ADAM7: variants seen among roughly 807,000 people sequenced by gnomAD.
ADAM7 encodes ADAM metallopeptidase domain 7.
A neutral mutation model predicts 102.9 loss-of-function variants in ADAM7; 97 were observed. That is an observed-to-expected ratio of 0.94 (90% CI 0.80 to 1.12). The LOEUF (loss-of-function observed/expected upper bound fraction) is 1.12, where lower values mean the gene tolerates loss of function less well. Ranked by LOEUF, ADAM7 falls within the 50% of genes most tolerant of loss-of-function variation. The probability of loss-of-function intolerance (pLI) is 0.00; values close to 1 mark genes in which losing one functional copy is unlikely to be tolerated. For synonymous variants in ADAM7, 334 were observed against 304.4 expected (o/e 1.10, Z -1.01); for missense variants, 991 against 908.7 (o/e 1.09, Z -1.16).
chr8:24,502,001 T>A (rs1156964187), intron 20 of ADAM7, among the ~76,000 whole-genome samples: 3 of 150,112 alleles, frequency 2.0e-5, no homozygotes. Context: ...CTGGCCAACA[T>A]GGGAAACTCC....
intron 1 of ADAM7, 105 bp downstream of exon 1, chr8:24,441,265 G>T: frequency 8.7e-7 from 1 of 1,153,822 alleles, no homozygotes. Flanking sequence ...AAACGTTGAT[G>T]ATTTTTCTGA....
intron 2 of ADAM7, among the ~76,000 whole-genome samples, chr8:24,446,136 T>C (rs1047628323): frequency 1.3e-5 from 2 of 152,168 alleles, no homozygotes; most frequent in African/African-American, 4.8e-5. Flanking sequence ...CAAAGTAATG[T>C]GCAACATGTA....
rs555111666 is a variant in ADAM7, at chr8:24,492,096, A to T, written c.1550A>T (p.Asp517Val). Residue 517 changes from aspartate to valine, a missense_variant and splice_region_variant, in exon 14 of 22, where the codon GAT (aspartate) becomes GTT (valine). By Grantham distance (152) the Asp-to-Val change is radical. Transcript: ENST00000175238. ...GATCAGTGCTCTGAACTATTTGATGATGGTGAGAGATAATCACAGTGAAGT... is the reference window on the plus strand; with the variant it reads ...GATCAGTGCTCTGAACTATTTGATGTTGGTGAGAGATAATCACAGTGAAGT... ...REDQCSELFDDEAIESHDICY... is the reference protein window; with the variant it reads ...REDQCSELFDVEAIESHDICY... The T allele has an allele frequency of 6.2e-7, 1 of 1,611,024 alleles. No individual in the cohort carries two copies. The highest frequency in any genetic ancestry group is 8.5e-7 in the Non-Finnish European group (1 of 1,178,662).
Position 24,493,036 on chromosome 8 carries a change from C to T in ADAM7, c.1656-7C>T. The T allele has an allele frequency of 6.4e-7, 1 of 1,563,156 alleles. No individual in the cohort carries two copies. Among genetic ancestry groups the T allele is most frequent in the South Asian group, 1.2e-5 (1 of 82,812 alleles). ...TTCCAAGTTTGAATATTCTGCCTTT[C>T]CTTCAGAGATGTCAGATGTGGAAAG... On this transcript the variant is annotated splice_region_variant and splice_polypyrimidine_tract_variant and intron_variant, in intron 15 of 21. Coordinates refer to ENST00000175238, the MANE Select transcript of ADAM7 (RefSeq NM_003817.4).
rs373648732 is a variant in ADAM7, at chr8:24,508,487, T to C, written c.*-59T>C. 2.2e-4 allele frequency: 335 copies of C among 1,546,562 alleles called. 1 individual carries two copies. Among genetic ancestry groups the C allele is most frequent in the Non-Finnish European group, 2.8e-4 (308 of 1,119,388 alleles). On this transcript the variant is annotated intron_variant, in intron 21 of 21. Transcript: ENST00000175238. ...AGTAGATATAAATGAGTAATGGAAA[T>C]ACATGGTTCACAGATTTCATAGGAA...
intron 2 of ADAM7, among the ~76,000 whole-genome samples, chr8:24,446,187 A>T (rs9314285): frequency 0.28 from 42,039 of 152,136 alleles, 7,266 homozygotes; most frequent in African/African-American, 0.49. Flanking sequence ...AGAATTTTTA[A>T]GAAGCATGAA....
intron 3 of ADAM7, among the ~76,000 whole-genome samples, chr8:24,456,421 T>C (rs1378283957): frequency 2.0e-5 from 3 of 152,186 alleles, no homozygotes. Context: ...TTGTGAATAG[T>C]GTTGCAATGA....
At position 24,465,637 on chromosome 8, in the gene ADAM7, T is replaced by C. The variant is rs1819399107; in HGVS notation, c.313-62T>C. 1.0e-5 allele frequency: 10 copies of C among 973,684 alleles called. No individual in the cohort carries two copies. The South Asian group carries it at 1.1e-4, about 10-fold the overall frequency. The allele number at this position is 973,684 out of a possible 1,614,324, so 60.3% of individuals were successfully genotyped here. ...ATATTCTGAACAGAAAATATTTAGA[T>C]ATTAGTATCTATATAAAATCAATAT... On this transcript the variant is annotated intron_variant, in intron 4 of 21. Transcript: ENST00000175238.
rs145588001 is a variant in ADAM7 at position 24,496,668 on chromosome 8, C to T, written c.1843-2568C>T. The stretch of plus-strand genomic sequence containing the variant: ...GGAGCTTTAAGATTTGACTGCCCTG[C>T]TGGATTCAGACTTACATGGGGCCTA... On this transcript the variant is annotated intron_variant, in intron 16 of 21. Transcript: ENST00000175238. Among the ~76,000 whole-genome samples, 1,139 of 152,344 alleles carry T rather than the reference C, an allele frequency of 7.5e-3. 15 individuals carry two copies. Among genetic ancestry groups the T allele is most frequent in the African/African-American group, 0.026 (1,090 of 41,570 alleles).
At chr8:24,483,148 G>T (rs183360327) in intron 9 of ADAM7, among the ~76,000 whole-genome samples, 1 of 152,220 alleles carries the variant, frequency 6.6e-6, no homozygotes, top group East Asian at 1.9e-4. Context: ...GCGTGACTTT[G>T]TCTAGACCAC....
In ADAM7 at chr8:24,487,171, A is replaced by C. The variant is rs762110722; in HGVS notation, c.961-16A>C. The C allele has an allele frequency of 1.9e-6, 3 of 1,611,964 alleles. No homozygotes were observed. In the African/African-American group the frequency reaches 4.0e-5, roughly 22 times the overall value. On this transcript the variant is annotated splice_polypyrimidine_tract_variant and intron_variant, in intron 10 of 21. Coordinates refer to ENST00000175238, the MANE Select transcript of ADAM7 (RefSeq NM_003817.4). ...CTAACTTTTGAAAATTTCTAATGCA[A>C]TTGTTTTATCATCAGGATCTTTTAC...
At chr8:24,492,146 T>G in intron 14 of ADAM7, 48 bp downstream of exon 14, 1 of 1,545,900 alleles carries the variant, frequency 6.5e-7, no homozygotes, top group South Asian at 1.2e-5. Flanking sequence ...TGGCCTCTAT[T>G]TCTCTGTTAT....
intron 10 of ADAM7, 59 bp from the exon 11 acceptor site, chr8:24,487,128 A>G: frequency 6.5e-7 from 1 of 1,543,774 alleles, no homozygotes. Context: ...AGTTTGAAGC[A>G]CTATGTACTA....
intron 7 of ADAM7, among the ~76,000 whole-genome samples, chr8:24,472,134 A>C (rs968921853): frequency 8.6e-5 from 13 of 151,654 alleles, no homozygotes; most frequent in South Asian, 2.1e-4. Flanking sequence ...AAAAAAAAAA[A>C]AAAACAGGTT....
chr8:24,501,243 T>C (rs1436932091), intron 19 of ADAM7, among the ~76,000 whole-genome samples: 2 of 152,162 alleles, frequency 1.3e-5, no homozygotes, highest in Non-Finnish European at 2.9e-5. Flanking sequence ...AGTTTGTTTA[T>C]CCCATAATTT....
chr8:24,451,020 A>G (rs1466797752), intron 3 of ADAM7, among the ~76,000 whole-genome samples: 1 of 151,972 alleles, frequency 6.6e-6, no homozygotes, highest in Non-Finnish European at 1.5e-5. Context: ...ATGGTGGATA[A>G]GCTTTTTGAT....
chr8:24,471,179 GTT>G (rs1819590507), intron 7 of ADAM7, among the ~76,000 whole-genome samples: 1 of 151,984 alleles, frequency 6.6e-6, no homozygotes, highest in Non-Finnish European at 1.5e-5. Context: ...TATAGAATGT[GTT>G]TGATTTTAAA....
At chr8:24,446,850 T>C (rs1229448066) in intron 2 of ADAM7, among the ~76,000 whole-genome samples, 1 of 149,214 alleles carries the variant, frequency 6.7e-6, no homozygotes, top group Non-Finnish European at 1.5e-5. Context: ...CTATATTATA[T>C]TATATTAAAC....
At chr8:24,455,227 G>A (rs1762555723) in intron 3 of ADAM7, among the ~76,000 whole-genome samples, 1 of 151,904 alleles carries the variant, frequency 6.6e-6, no homozygotes, top group South Asian at 2.1e-4. Context: ...GATCCATTAA[G>A]TTACACATAT....
Sources: gnomAD v4.1 joint callset for allele counts (sites outside exome capture counted in the v4.1 genomes callset) on GRCh38, gnomAD v4.1.1 for gene constraint, MANE v1.5 for transcripts, NCBI Gene and HGNC (gene_info 2026-07-23, HGNC 2026-07-21) for gene names.